Variants in C1QTNF1 observed in about 807,000 individuals in gnomAD.
C1QTNF1 encodes C1q and TNF related 1, also known as complement C1q tumor necrosis factor-related protein 1.
Under a neutral mutation model 27.8 loss-of-function variants are expected in C1QTNF1, and 22 were observed. The ratio of observed to expected loss-of-function variants is 0.79; its 90% CI spans 0.56 to 1.13. C1QTNF1 has a LOEUF of 1.13. Among genes scored for constraint, C1QTNF1 ranks in the 50% most tolerant of loss-of-function variants. The pLI, the probability that C1QTNF1 is intolerant of heterozygous loss-of-function variation, is 0.00. For missense variants in C1QTNF1, 373 were observed against 380.2 expected (o/e 0.98, Z 0.16); for synonymous variants, 166 against 154.3 (o/e 1.08, Z -0.56).
intron 1 of C1QTNF1, chr17:79,024,785 C>T (rs935546176): frequency 1.3e-5 from 2 of 152,380 alleles, no homozygotes; most frequent in Non-Finnish European, 1.5e-5. Context: ...TGGATACTAA[C>T]GGGAGGAATT....
chr17:79,041,356 G>C (rs958545163), intron 1 of C1QTNF1, among the ~76,000 whole-genome samples: 9 of 152,156 alleles, frequency 5.9e-5, no homozygotes, highest in Admixed American at 2.0e-4. Flanking sequence ...AGAGGTTCGG[G>C]GGGGCCAGCC....
At chr17:79,027,084 G>T (rs79536842) in intron 1 of C1QTNF1, among the ~76,000 whole-genome samples, 1 of 151,686 alleles carries the variant, frequency 6.6e-6, no homozygotes, top group Non-Finnish European at 1.5e-5. Context: ...TCCTGGGCGG[G>T]GGGGGGCTGT....
intron 1 of C1QTNF1, chr17:79,026,035 C>A: frequency 4.6e-6 from 1 of 218,718 alleles, no homozygotes; most frequent in Non-Finnish European, 9.1e-6. Context: ...ATCAAGGGAA[C>A]TCTCACTTGT....
At chr17:79,040,978 T>C (rs1435465704) in intron 1 of C1QTNF1, among the ~76,000 whole-genome samples, 3 of 151,994 alleles carry the variant, frequency 2.0e-5, no homozygotes, top group African/African-American at 4.8e-5. Flanking sequence ...GTCATGAATG[T>C]ATATTGTCTC....
At chr17:79,043,015 ATG>A (rs1568068679) in intron 1 of C1QTNF1, among the ~76,000 whole-genome samples, 1 of 151,404 alleles carries the variant, frequency 6.6e-6, no homozygotes, top group Non-Finnish European at 1.5e-5. Flanking sequence ...GCGAATGTGC[ATG>A]TGTGTGGATT....
Position 79,030,749 on chromosome 17 carries a change from G to A in C1QTNF1, c.-15+6255G>A, listed in dbSNP as rs369309286. On this transcript the variant is annotated intron_variant, in intron 1 of 3. Transcript: ENST00000579760. ...CGACTAGCTGGGATTTTAGGCACACGCCACCACACCCAGCTAATTTTTGTA... is the reference window on the plus strand; with the variant it reads ...CGACTAGCTGGGATTTTAGGCACACACCACCACACCCAGCTAATTTTTGTA... Among the ~76,000 whole-genome samples, 239 of 151,798 alleles carry A rather than the reference G, an allele frequency of 1.6e-3. 9 individuals carry two copies. In the East Asian group the frequency reaches 0.041, roughly 26 times the overall value.
chr17:79,031,263 C>G (rs1294044465), intron 1 of C1QTNF1, among the ~76,000 whole-genome samples: 3 of 152,044 alleles, frequency 2.0e-5, no homozygotes, highest in Non-Finnish European at 4.4e-5. Flanking sequence ...CCTCGGCCTC[C>G]CAAAGTGATG....
chr17:79,026,784 A>G (rs1428447771), intron 1 of C1QTNF1, among the ~76,000 whole-genome samples: 1 of 152,174 alleles, frequency 6.6e-6, no homozygotes, highest in African/African-American at 2.4e-5. Flanking sequence ...CCTCCCAAGT[A>G]GGAGCAGAGA....
Position 79,048,138 on chromosome 17 carries a change from C to CTGACCCCAGGGCTCAGCACCAGGA in C1QTNF1, c.*58_*59insGGGCTCAGCACCAGGATGACCCCA. The CTGACCCCAGGGCTCAGCACCAGGA allele has an allele frequency of 6.9e-7, 1 of 1,440,714 alleles. No homozygotes were observed. Among genetic ancestry groups the CTGACCCCAGGGCTCAGCACCAGGA allele is most frequent in the Non-Finnish European group, 9.1e-7 (1 of 1,095,230 alleles). The allele number at this position is 1,440,714 out of a possible 1,614,324, so 89.2% of individuals were successfully genotyped here. ...CGCCACCTTCCACCCCTGCGCTGTG[C>CTGACCCCAGGGCTCAGCACCAGGA]TGACCCCACCGCCTCTTCCCCGATC... is the stretch of plus-strand genomic sequence containing the variant. On this transcript the variant is annotated 3_prime_UTR_variant, in exon 4 of 4. Transcript: ENST00000579760.
chr17:79,046,952 G>C lies in C1QTNF1; in HGVS notation c.295+258G>C. 1.9e-6 allele frequency: 1 copy of C among 524,652 alleles called. No homozygotes were observed. The highest frequency in any genetic ancestry group is 3.4e-6 in the Non-Finnish European group (1 of 296,432). The allele number at this position is 524,652 out of a possible 1,614,324, so 32.5% of individuals were successfully genotyped here. On this transcript the variant is annotated intron_variant, in intron 3 of 3. Coordinates refer to ENST00000579760, the MANE Select transcript of C1QTNF1 (RefSeq NM_030968.5). The surrounding 1 kb of genome is among the most constrained non-coding windows in gnomAD (Gnocchi z 4.8). ...AGGAGAGGGAGCCCAGAGGCTACTC[G>C]GGGTCTCGTCCCTCCAGTTGTATGT... is the stretch of plus-strand genomic sequence containing the variant.
chr17:79,030,509 CTTTCTTTCTTTCTTTCTTTCTTCT>C, intron 1 of C1QTNF1, among the ~76,000 whole-genome samples: 3 of 133,978 alleles, frequency 2.2e-5, no homozygotes, highest in African/African-American at 5.8e-5. Context: ...TTCTTTCTTT[CTTTCTTTCTTTCTTTCTTTCTTCT>C]TTCTTTCTTT....
intron 2 of C1QTNF1, among the ~76,000 whole-genome samples, chr17:79,045,257 TG>T (rs1304529103): frequency 6.6e-6 from 1 of 151,968 alleles, no homozygotes; most frequent in African/African-American, 2.4e-5. Flanking sequence ...TTTGTTGGGC[TG>T]GTGGGTGGTT....
At position 79,047,569 on chromosome 17, in the gene C1QTNF1, C is replaced by T. The variant is rs1296328804; in HGVS notation, c.327C>T (p.Leu109=). The T allele has an allele frequency of 3.3e-6, 5 of 1,533,944 alleles. No homozygotes were observed. Among genetic ancestry groups the T allele is most frequent in the Admixed American group, 4.3e-5 (2 of 46,706 alleles). The stretch of plus-strand genomic sequence containing the variant: ...AGGGTGACCGCGGAGATCGAGGCCT[C>T]CAAGGGAAATATGGCAAAACAGGCT... ...GEKGDRGDRG[L]QGKYGKTGSA... is the part of the protein sequence containing the mutation. The change falls in exon 4 of 4, where the codon CTC becomes CTT. Residue 109 remains leucine, a synonymous_variant. Coordinates refer to ENST00000579760, the MANE Select transcript of C1QTNF1 (RefSeq NM_030968.5).
chr17:79,038,445 G>A (rs1457561898), intron 1 of C1QTNF1, among the ~76,000 whole-genome samples: 1 of 152,224 alleles, frequency 6.6e-6, no homozygotes, highest in Non-Finnish European at 1.5e-5. Flanking sequence ...ATGATGTGGG[G>A]TTGAGGAAGG....
chr17:79,033,068 C>CAA (rs58305899), intron 1 of C1QTNF1, among the ~76,000 whole-genome samples: 17 of 79,304 alleles, frequency 2.1e-4, no homozygotes, highest in South Asian at 8.8e-4. Flanking sequence ...AACTCTGTCT[C>CAA]AAAAAAAAAA....
Position 79,033,543 on chromosome 17 carries a change from A to AT in C1QTNF1, c.-15+9060dup, listed in dbSNP as rs570510279. ...GAGATCCTGTCTCTAAAAAAAAAAA[A>AT]TTTTTTTTTTTAATTAGCTGGATGT... is the stretch of plus-strand genomic sequence containing the variant. On this transcript the variant is annotated intron_variant, in intron 1 of 3. Transcript: ENST00000579760. Among the ~76,000 whole-genome samples, 78 of 130,866 alleles carry AT rather than the reference A, an allele frequency of 6.0e-4. No individual in the cohort carries two copies. In the South Asian group the frequency reaches 0.016, roughly 26 times the overall value. The allele number at this position is 130,866 out of a possible 152,430, so 85.9% of individuals were successfully genotyped here.
At chr17:79,026,441 ACCGCG>A (rs2071963496) in intron 1 of C1QTNF1, among the ~76,000 whole-genome samples, 8 of 152,194 alleles carry the variant, frequency 5.3e-5, no homozygotes, top group Admixed American at 5.2e-4. Context: ...GGGGTGAGCC[ACCGCG>A]CCTGGCCTCC....
chr17:79,027,087 G>T (rs1333262314), intron 1 of C1QTNF1, among the ~76,000 whole-genome samples: 3 of 151,816 alleles, frequency 2.0e-5, no homozygotes, highest in Non-Finnish European at 4.4e-5. Context: ...TGGGCGGGGG[G>T]GGGCTGTGGC....
chr17:79,047,238 C>CT (rs372840829), intron 3 of C1QTNF1: 15,706 of 276,328 alleles, frequency 0.057, 84 homozygotes, highest in Middle Eastern at 0.062. Flanking sequence ...TTTTTCTTTT[C>CT]TTTTTTTTTT....
Sources: gnomAD v4.1 joint callset for allele counts (sites outside exome capture counted in the v4.1 genomes callset) on GRCh38, gnomAD v4.1.1 for gene constraint, Gnocchi (gnomAD v3.1) non-coding constraint, MANE v1.5 for transcripts, NCBI Gene and HGNC (gene_info 2026-07-23, HGNC 2026-07-21) for gene names.